MTAP: variants seen among roughly 807,000 people sequenced by gnomAD.
MTAP encodes S-methyl-5'-thioadenosine phosphorylase.
In MTAP, 33 loss-of-function variants were observed where a neutral mutation model predicts 33.6. The ratio of observed to expected loss-of-function variants is 0.98; its 90% CI spans 0.74 to 1.31. The LOEUF (loss-of-function observed/expected upper bound fraction) is 1.31. Ranked by LOEUF, MTAP falls within the 40% of genes most tolerant of loss-of-function variation. The pLI is 0.00. For missense variants in MTAP, 367 were observed against 360.0 expected (o/e 1.02, Z -0.16); for synonymous variants, 148 against 125.7 (o/e 1.18, Z -1.19).
intron 1 of MTAP, among the ~76,000 whole-genome samples, chr9:21,873,616 C>CT (rs1563855697): frequency 1.2e-4 from 12 of 99,064 alleles, no homozygotes; most frequent in African/African-American, 5.2e-4. Context: ...CCCCGCCCCC[C>CT]ACCCCAAGAA....
At chr9:21,934,789 CT>C (rs1563876122), downstream of MTAP, 1 of 151,982 alleles carries the variant, frequency 6.6e-6, no homozygotes, top group Admixed American at 6.6e-5. The surrounding 1 kb of genome is among the most constrained non-coding windows in gnomAD (Gnocchi z 5.0). Context: ...CAACCTCCAC[CT>C]CCCGGGTTCA....
chr9:21,827,684 C>G (rs558625638), intron 4 of MTAP, among the ~76,000 whole-genome samples: 20 of 152,318 alleles, frequency 1.3e-4, no homozygotes, highest in Non-Finnish European at 1.2e-4. Flanking sequence ...ATATCACCAA[C>G]ACCCACAACA....
intron 4 of MTAP, among the ~76,000 whole-genome samples, chr9:21,820,514 A>T (rs1333434869): frequency 6.6e-6 from 1 of 152,212 alleles, no homozygotes; most frequent in African/African-American, 2.4e-5. Context: ...CTGTTTTGGT[A>T]CCAGTACCAC....
chr9:21,854,069 A>C (rs374089146), intron 5 of MTAP, among the ~76,000 whole-genome samples: 6 of 152,248 alleles, frequency 3.9e-5, no homozygotes, highest in African/African-American at 1.4e-4. Context: ...ACAGAAAAAC[A>C]ATCAGCACAA....
In MTAP at chr9:21,866,655, C is replaced by G. The variant is rs1320597473; in HGVS notation, c.*4641C>G. On this transcript the variant is annotated 3_prime_UTR_variant, in exon 8 of 8. Coordinates refer to ENST00000644715, the MANE Select transcript of MTAP (RefSeq NM_002451.4). ...CTTGATTATTGTGGCTTTATGGTGT[C>G]TTGAAATTAAGTATTGTTAAGCTTT... The G allele has an allele frequency of 2.0e-5, 3 of 152,020 alleles. No homozygotes were observed. The highest frequency in any genetic ancestry group is 2.0e-4 in the Admixed American group (3 of 15,254). 9.4% of individuals were successfully genotyped at this position (152,020 alleles called of 1,614,324 possible). A position where few individuals can be genotyped will look rare whatever the true frequency, so the allele number is the denominator to read the frequency against.
chr9:21,842,450 A>G (rs1825270503), intron 5 of MTAP, among the ~76,000 whole-genome samples: 1 of 152,200 alleles, frequency 6.6e-6, no homozygotes, highest in Non-Finnish European at 1.5e-5. Flanking sequence ...CTAGGCACAT[A>G]TTTATCAGGC....
chr9:21,803,120 A>AC, intron 1 of MTAP: 1 of 467,668 alleles, frequency 2.1e-6, no homozygotes, highest in Non-Finnish European at 3.6e-6. Context: ...GAGAGGCTGC[A>AC]CCCATGCCAC....
intron 1 of MTAP, among the ~76,000 whole-genome samples, chr9:21,810,952 T>A (rs2117963376): frequency 6.6e-6 from 1 of 152,262 alleles, no homozygotes; most frequent in Non-Finnish European, 1.5e-5. Context: ...GCTTCCAGGA[T>A]TTTGCAAGGC....
At chr9:21,897,346 C>A (rs1292040699) in intron 1 of MTAP, among the ~76,000 whole-genome samples, 1 of 152,168 alleles carries the variant, frequency 6.6e-6, no homozygotes, top group Non-Finnish European at 1.5e-5. Flanking sequence ...TCTCCCACCA[C>A]CCCTATTCAA....
chr9:21,902,975 A>G (rs1197274738), intron 1 of MTAP, among the ~76,000 whole-genome samples: 1 of 152,248 alleles, frequency 6.6e-6, no homozygotes, highest in Non-Finnish European at 1.5e-5. Flanking sequence ...AAAGAATTTA[A>G]AAGGTAAATT....
At chr9:21,843,153 CA>C (rs1825292651) in intron 5 of MTAP, among the ~76,000 whole-genome samples, 1 of 152,086 alleles carries the variant, frequency 6.6e-6, no homozygotes, top group Non-Finnish European at 1.5e-5. Context: ...AAAACAACAA[CA>C]GTTAAAGCAA....
chr9:21,931,297 G>A (rs73652804), downstream of MTAP: 1,797 of 580,156 alleles, frequency 3.1e-3, 26 homozygotes, highest in African/African-American at 0.029. Flanking sequence ...AAAGAATTGG[G>A]TCATGGATTT....
At chr9:21,843,331 C>A (rs1339246747) in intron 5 of MTAP, among the ~76,000 whole-genome samples, 1 of 152,118 alleles carries the variant, frequency 6.6e-6, no homozygotes, top group Non-Finnish European at 1.5e-5. Context: ...CTTAAGTACT[C>A]CACTGACGGC....
intron 1 of MTAP, among the ~76,000 whole-genome samples, chr9:21,885,604 T>A (rs1477739965): frequency 6.6e-6 from 1 of 152,092 alleles, no homozygotes; most frequent in Non-Finnish European, 1.5e-5. Flanking sequence ...GTCCCCAAAA[T>A]TCATTATATC....
intron 1 of MTAP, among the ~76,000 whole-genome samples, chr9:21,872,948 G>C (rs1825957937): frequency 6.6e-6 from 1 of 152,106 alleles, no homozygotes; most frequent in South Asian, 2.1e-4. Context: ...ATGGTGTCCT[G>C]GCATGACAGA....
intron 7 of MTAP, 66 bp downstream of exon 7, chr9:21,859,491 C>A: frequency 6.6e-7 from 1 of 1,511,846 alleles, no homozygotes; most frequent in Non-Finnish European, 8.9e-7. Context: ...TTCTTACTTG[C>A]ATTTCACCTT....
intron 1 of MTAP, among the ~76,000 whole-genome samples, chr9:21,876,304 C>A (rs1826007251): frequency 6.6e-6 from 1 of 152,026 alleles, no homozygotes; most frequent in Admixed American, 6.6e-5. Flanking sequence ...AATATTTTCT[C>A]CCATTCTATA....
chr9:21,837,220 G>A (rs1297511444), intron 4 of MTAP, among the ~76,000 whole-genome samples: 1 of 152,148 alleles, frequency 6.6e-6, no homozygotes, highest in African/African-American at 2.4e-5. Flanking sequence ...AAATGAGGCA[G>A]CGAACAAAGA....
At chr9:21,917,891 A>G (rs1818716236) in intron 1 of MTAP, among the ~76,000 whole-genome samples, 1 of 152,244 alleles carries the variant, frequency 6.6e-6, no homozygotes, top group Non-Finnish European at 1.5e-5. Context: ...TGTATATGCC[A>G]TGGAATACTA....
Sources: allele counts gnomAD v4.1 joint callset (sites outside exome capture counted in the v4.1 genomes callset), GRCh38; gene constraint gnomAD v4.1.1; non-coding constraint Gnocchi (gnomAD v3.1); transcripts MANE v1.5; gene names NCBI Gene and HGNC (gene_info 2026-07-23, HGNC 2026-07-21).